Variants in NANOS3 observed in about 807,000 individuals in gnomAD.
NANOS3 encodes the protein nanos homolog 3.
Under a neutral mutation model 13.8 loss-of-function variants are expected in NANOS3, and 11 were observed. That is an observed-to-expected ratio of 0.80 (90% CI 0.50 to 1.32). The LOEUF (loss-of-function observed/expected upper bound fraction) is 1.32. Among genes scored for constraint, NANOS3 ranks in the 40% most tolerant of loss-of-function variants. The probability of loss-of-function intolerance (pLI) is 0.00; values close to 1 mark genes in which losing one functional copy is unlikely to be tolerated. For synonymous variants in NANOS3, 119 were observed against 115.4 expected (o/e 1.03, Z -0.20); for missense variants, 221 against 263.8 (o/e 0.84, Z 1.12).
upstream of NANOS3, among the ~76,000 whole-genome samples, chr19:13,876,172 T>G (rs1599304075): frequency 1.3e-5 from 2 of 152,026 alleles, no homozygotes; most frequent in East Asian, 3.9e-4. Flanking sequence ...AGAGTCTTAC[T>G]CTGTTTCCCA....
chr19:13,864,935 A>G (rs369111871), upstream of NANOS3, among the ~76,000 whole-genome samples: 188 of 150,296 alleles, frequency 1.3e-3, no homozygotes, highest in African/African-American at 4.5e-3. Context: ...ACCGTTCCCT[A>G]TGTCTGTGGC....
At position 13,877,166 on chromosome 19, in the gene NANOS3, A is replaced by G; in HGVS notation, c.-83A>G. ...AGAGAGGGGAAGGAAGGGGCAGCAG[A>G]GAGGGGTCAGAAGGAGGGAGCTTAA... On this transcript the variant is annotated 5_prime_UTR_variant, in exon 1 of 2. Coordinates refer to ENST00000339133, the MANE Select transcript of NANOS3 (RefSeq NM_001098622.3). 1 of 1,179,084 alleles carries G rather than the reference A, an allele frequency of 8.5e-7. No homozygotes were observed. Among genetic ancestry groups the G allele is most frequent in the Non-Finnish European group, 1.2e-6 (1 of 821,564 alleles). The allele number at this position is 1,179,084 out of a possible 1,614,324, so 73.0% of individuals were successfully genotyped here.
At chr19:13,871,404 C>T (rs548571062) in intron 1 of NANOS3, among the ~76,000 whole-genome samples, 9 of 152,256 alleles carry the variant, frequency 5.9e-5, no homozygotes, top group African/African-American at 1.4e-4. Flanking sequence ...GAAGCCTGCA[C>T]GGACCACAGG....
chr19:13,877,527 C>T lies in NANOS3; in HGVS notation c.279C>T (p.His93=), dbSNP rs776332270. The T allele has an allele frequency of 7.4e-6, 12 of 1,612,182 alleles. No individual in the cohort carries two copies. The highest frequency in any genetic ancestry group is 3.3e-5 in the South Asian group (3 of 91,090). Reference sequence around the variant, plus strand: ...AGTCCCGGGCCATCTACCAGTCCCACGTGCTGAAGGACGAGGCTGGCAGGG... The same window carrying T: ...AGTCCCGGGCCATCTACCAGTCCCATGTGCTGAAGGACGAGGCTGGCAGGG... ...NGESRAIYQS[H]VLKDEAGRVL... is the part of the protein sequence containing the mutation. Residue 93 remains histidine, a synonymous_variant, in exon 1 of 2, where the codon CAC becomes CAT. Transcript: ENST00000339133.
chr19:13,877,230 T>A lies in NANOS3; in HGVS notation c.-19T>A. 2 of 1,590,868 alleles carry A rather than the reference T, an allele frequency of 1.3e-6. No homozygotes were observed. The highest frequency in any genetic ancestry group is 3.4e-5 in the Admixed American group (2 of 58,862). ...ACTTGTCTCTGTGACTCCTTCCGCC[T>A]GGCACATGCTGCCCAGCTATGGGGA... On this transcript the variant is annotated 5_prime_UTR_variant, in exon 1 of 2. Coordinates refer to ENST00000339133, the MANE Select transcript of NANOS3 (RefSeq NM_001098622.3).
chr19:13,869,801 T>G (rs914846108), intron 1 of NANOS3, among the ~76,000 whole-genome samples: 1 of 146,490 alleles, frequency 6.8e-6, no homozygotes, highest in Non-Finnish European at 1.5e-5. Context: ...CGCACACACA[T>G]ACAGTTACAT....
chr19:13,866,380 C>G (rs1286541189), intron 1 of NANOS3, among the ~76,000 whole-genome samples: 1 of 152,056 alleles, frequency 6.6e-6, no homozygotes, highest in African/African-American at 2.4e-5. Flanking sequence ...CATTCCACAC[C>G]CCTGGACTGC....
At chr19:13,865,278 C>T (rs1477256556), upstream of NANOS3, 1 of 43,088 alleles carries the variant, frequency 2.3e-5, no homozygotes, top group African/African-American at 1.1e-4. Flanking sequence ...GCCGGAGCCC[C>T]GCGGCCCCCT....
At chr19:13,874,259 G>A (rs1489081447), upstream of NANOS3, among the ~76,000 whole-genome samples, 1 of 152,096 alleles carries the variant, frequency 6.6e-6, no homozygotes, top group Non-Finnish European at 1.5e-5. Context: ...CTCCCAGAAC[G>A]TATTACATTG....
intron 1 of NANOS3, among the ~76,000 whole-genome samples, chr19:13,866,131 G>T (rs1976236088): frequency 6.6e-6 from 1 of 152,128 alleles, no homozygotes; most frequent in South Asian, 2.1e-4. Flanking sequence ...ATTTACTGGG[G>T]CCAAGGTTTG....
At chr19:13,869,108 C>T (rs899639575) in intron 1 of NANOS3, among the ~76,000 whole-genome samples, 5 of 152,112 alleles carry the variant, frequency 3.3e-5, no homozygotes, top group African/African-American at 1.2e-4. Context: ...CCCACCCTGA[C>T]CCCAAACCCA....
chr19:13,869,039 A>T (rs1023585426), intron 1 of NANOS3, among the ~76,000 whole-genome samples: 14 of 152,058 alleles, frequency 9.2e-5, no homozygotes, highest in African/African-American at 3.4e-4. Context: ...AGTAGCTTGG[A>T]CCTGAAGCCC....
At chr19:13,862,590 G>T (rs199517510), upstream of NANOS3, among the ~76,000 whole-genome samples, 10 of 152,104 alleles carry the variant, frequency 6.6e-5, 1 homozygote, top group East Asian at 1.7e-3. Flanking sequence ...CCAGGCTGGA[G>T]TGCAGTGGCA....
chr19:13,865,486 G>T (rs1466714079), intron 1 of NANOS3: 6 of 142,692 alleles, frequency 4.2e-5, no homozygotes, highest in African/African-American at 1.5e-4. Context: ...GGCGGGGGCC[G>T]CCCGCGGGCA....
In NANOS3 at chr19:13,877,279, C is replaced by T. The variant is rs1189253612; in HGVS notation, c.31C>T (p.Leu11=). Reference sequence around the variant, plus strand: ...GACCTTTGACCTGTGGACAGATTACCTGGGTTTGGCACACCTGGTTAGGGC... The same window carrying T: ...GACCTTTGACCTGTGGACAGATTACTTGGGTTTGGCACACCTGGTTAGGGC... MGTFDLWTDY[L]GLAHLVRALS... is the part of the protein sequence containing the mutation. The change falls in exon 1 of 2, where the codon CTG becomes TTG. Residue 11 remains leucine, a synonymous_variant. Coordinates refer to ENST00000339133, the MANE Select transcript of NANOS3 (RefSeq NM_001098622.3). 1.2e-6 allele frequency: 2 copies of T among 1,612,474 alleles called. No individual in the cohort carries two copies. Among genetic ancestry groups the T allele is most frequent in the Non-Finnish European group, 1.7e-6 (2 of 1,179,440 alleles).
At position 13,877,439 on chromosome 19, in the gene NANOS3, A is replaced by G; in HGVS notation, c.191A>G (p.Lys64Arg). 6.2e-7 allele frequency: 1 copy of G among 1,612,178 alleles called. No individual in the cohort carries two copies. Among genetic ancestry groups the G allele is most frequent in the Admixed American group, 1.7e-5 (1 of 60,028 alleles). The change falls in exon 1 of 2, where the codon AAG (lysine) becomes AGG (arginine). Residue 64 changes from lysine to arginine, a missense_variant. Coordinates refer to ENST00000339133, the MANE Select transcript of NANOS3 (RefSeq NM_001098622.3). ...SVPVPGPKDQ[K>R]RSLESSPAPE... ...CCAGTGCCGGGACCCAAGGATCAGAAGCGCAGCCTGGAGTCCTCGCCAGCT... is the reference window on the plus strand; with the variant it reads ...CCAGTGCCGGGACCCAAGGATCAGAGGCGCAGCCTGGAGTCCTCGCCAGCT...
upstream of NANOS3, among the ~76,000 whole-genome samples, chr19:13,863,056 T>C (rs943665205): frequency 3.3e-5 from 5 of 152,230 alleles, no homozygotes; most frequent in Admixed American, 3.3e-4. Flanking sequence ...AGTCCCTGCC[T>C]CAAGGGTTGC....
intron 1 of NANOS3, among the ~76,000 whole-genome samples, chr19:13,870,505 C>T (rs1157278951): frequency 1.3e-5 from 2 of 151,606 alleles, no homozygotes; most frequent in East Asian, 3.9e-4. Flanking sequence ...AGCTGCCCTG[C>T]ACCTTCCTGG....
chr19:13,879,042 C>T (rs1968576977), intron 1 of NANOS3, among the ~76,000 whole-genome samples: 2 of 151,926 alleles, frequency 1.3e-5, no homozygotes, highest in African/African-American at 2.4e-5. Flanking sequence ...CGGGTTCAAG[C>T]GATTCTCTTA....
Sources: gnomAD v4.1 joint callset for allele counts (sites outside exome capture counted in the v4.1 genomes callset) on GRCh38, gnomAD v4.1.1 for gene constraint, MANE v1.5 for transcripts, NCBI Gene and HGNC (gene_info 2026-07-23, HGNC 2026-07-21) for gene names.